Variants in TAOK3 observed in about 807,000 individuals in gnomAD.
The protein encoded by TAOK3 is TAO kinase 3, also known as serine/threonine-protein kinase TAO3.
A neutral mutation model predicts 120.4 loss-of-function variants in TAOK3; 40 were observed. That is an observed-to-expected ratio of 0.33 (90% CI 0.26 to 0.43). TAOK3 has a LOEUF of 0.43. Among genes scored for constraint, TAOK3 ranks in the 20% least tolerant of loss-of-function variants. TAOK3 has a pLI of 1.00. For synonymous variants in TAOK3, 355 were observed against 387.5 expected, an observed-to-expected ratio of 0.92 and a Z score of 0.99; for missense variants, 821 against 1,112.1, an observed-to-expected ratio of 0.74 and a Z score of 3.72.
In TAOK3 at chr12:118,231,257, A is replaced by T. The variant is rs138019577; in HGVS notation, c.643+2417T>A. Reference sequence around the variant, plus strand: ...GGTGTAGGAACTGTGTAGATAGGGCAGGGGTGGAAGAAGATCTTTCACTGT... The same window carrying T: ...GGTGTAGGAACTGTGTAGATAGGGCTGGGGTGGAAGAAGATCTTTCACTGT... On this transcript the variant is annotated intron_variant, in intron 9 of 20. Coordinates refer to ENST00000392533, the MANE Select transcript of TAOK3 (RefSeq NM_016281.4). 2.0e-5 allele frequency among the ~76,000 whole-genome samples: 3 copies of T among 151,698 alleles called. No homozygotes were observed. In the East Asian group the frequency reaches 5.8e-4, roughly 30 times the overall value.
chr12:118,229,125 A>C (rs926589587), intron 9 of TAOK3, among the ~76,000 whole-genome samples: 1 of 148,642 alleles, frequency 6.7e-6, no homozygotes, highest in Non-Finnish European at 1.5e-5. Flanking sequence ...GGGGGGACAG[A>C]GTTTCGATCT....
At chr12:118,296,580 C>A (rs2042689958) in intron 1 of TAOK3, among the ~76,000 whole-genome samples, 2 of 152,178 alleles carry the variant, frequency 1.3e-5, no homozygotes, top group African/African-American at 4.8e-5. Context: ...CAATGTAACA[C>A]CTAGGCTGTC....
chr12:118,196,981 T>A (rs919347088), intron 13 of TAOK3, among the ~76,000 whole-genome samples: 4 of 152,198 alleles, frequency 2.6e-5, no homozygotes, highest in Admixed American at 2.0e-4. Flanking sequence ...GAGTTAAAAA[T>A]CCTATTTATG....
intron 13 of TAOK3, among the ~76,000 whole-genome samples, chr12:118,191,877 G>T (rs1401643148): frequency 6.6e-6 from 1 of 152,186 alleles, no homozygotes; most frequent in African/African-American, 2.4e-5. Context: ...GTAGAGGCCT[G>T]TGATTTTATA....
At chr12:118,205,227 C>T (rs111769853) in intron 11 of TAOK3, among the ~76,000 whole-genome samples, 2,035 of 150,994 alleles carry the variant, frequency 0.013, 15 homozygotes, top group Middle Eastern at 0.024. Flanking sequence ...ATTAGCCAGG[C>T]GTGGTAGTGC....
intron 1 of TAOK3, among the ~76,000 whole-genome samples, chr12:118,322,254 G>T (rs773279777): frequency 6.8e-6 from 1 of 146,128 alleles, no homozygotes; most frequent in South Asian, 2.1e-4. Flanking sequence ...GGCAGAGGTT[G>T]CAATGAGCTG....
rs565883002 is a variant in TAOK3 at position 118,315,094 on chromosome 12, C to T, written c.-193-48335G>A. Among the ~76,000 whole-genome samples, 5 of 152,190 alleles carry T rather than the reference C, an allele frequency of 3.3e-5. No individual in the cohort carries two copies. In the South Asian group the frequency reaches 1.0e-3, roughly 32 times the overall value. ...TACAGGCATGTGCCACCACCCCTGG[C>T]TAACTTTTATACTTTTAGTAGAGAT... is the stretch of plus-strand genomic sequence containing the variant. On this transcript the variant is annotated intron_variant, in intron 1 of 20. Transcript: ENST00000392533.
Position 118,161,379 on chromosome 12 carries a change from A to T in TAOK3, c.2139+409T>A, listed in dbSNP as rs916114356. Among the ~76,000 whole-genome samples the T allele has an allele frequency of 5.3e-5, 8 of 152,046 alleles. No individual in the cohort carries two copies. Among genetic ancestry groups the T allele is most frequent in the Admixed American group, 2.6e-4 (4 of 15,258 alleles). ...ATGACAGACATCACTAATAAATGAC[A>T]CTCTTTCCTCCTAAGCTTGGATGTG... On this transcript the variant is annotated intron_variant, in intron 18 of 20. Transcript: ENST00000392533. The surrounding 1 kb of genome is among the most constrained non-coding windows in gnomAD (Gnocchi z 4.5).
At chr12:118,368,556 A>G (rs1473082608) in intron 1 of TAOK3, among the ~76,000 whole-genome samples, 2 of 147,644 alleles carry the variant, frequency 1.4e-5, no homozygotes, top group African/African-American at 4.9e-5. Flanking sequence ...CTGTAATCCC[A>G]GCACTTAGAG....
rs777480812 is a variant in TAOK3, at chr12:118,189,836, G to T, written c.1300C>A (p.Arg434Ser). The stretch of plus-strand genomic sequence containing the variant: ...GATGCTGATTTGATCGTGGCAAAGC[G>T]CTCTCTGTTCCGGTAGTGGAGGGCC... ...SQALHYRNRE[R>S]FATIKSASLV... Residue 434 changes from arginine to serine, a missense_variant, in exon 14 of 21, where the codon CGC (arginine) becomes AGC (serine). Arg to Ser is a moderately radical substitution (Grantham distance 110). This residue lies in a region of TAOK3 where 354 missense variants were observed against 572.1 expected (regional missense o/e 0.62). Transcript: ENST00000392533. 1 of 1,614,048 alleles carries T rather than the reference G, an allele frequency of 6.2e-7. No homozygotes were observed. Among genetic ancestry groups the T allele is most frequent in the African/African-American group, 1.3e-5 (1 of 74,928 alleles).
intron 17 of TAOK3, among the ~76,000 whole-genome samples, chr12:118,169,082 C>T (rs1191215386): frequency 1.3e-5 from 2 of 151,938 alleles, no homozygotes; most frequent in South Asian, 4.1e-4. Flanking sequence ...GGCGCGATCT[C>T]GGCTCACTGC....
chr12:118,312,452 C>T (rs1297177875), intron 1 of TAOK3, among the ~76,000 whole-genome samples: 1 of 152,078 alleles, frequency 6.6e-6, no homozygotes, highest in Non-Finnish European at 1.5e-5. Context: ...TGTAACTAAC[C>T]ATACCTTGGA....
intron 3 of TAOK3, among the ~76,000 whole-genome samples, chr12:118,247,402 T>C (rs1440554660): frequency 6.6e-6 from 1 of 152,160 alleles, no homozygotes; most frequent in Admixed American, 6.5e-5. Flanking sequence ...AATGTAACAG[T>C]TCATTGAAAG....
chr12:118,188,144 C>T (rs1291498620), intron 14 of TAOK3, among the ~76,000 whole-genome samples: 3 of 152,184 alleles, frequency 2.0e-5, no homozygotes, highest in Non-Finnish European at 4.4e-5. Context: ...ATGTCTGCTT[C>T]ACATGTAAAA....
chr12:118,185,682 A>T (rs188228106), intron 14 of TAOK3, among the ~76,000 whole-genome samples: 1 of 152,226 alleles, frequency 6.6e-6, no homozygotes, highest in Non-Finnish European at 1.5e-5. Flanking sequence ...TTCTGCATTT[A>T]TAAAAGAATA....
intron 1 of TAOK3, among the ~76,000 whole-genome samples, chr12:118,366,604 A>G (rs2045747997): frequency 6.6e-6 from 1 of 152,218 alleles, no homozygotes; most frequent in African/African-American, 2.4e-5. Context: ...GTACTTTGAT[A>G]ACTGACTACA....
intron 2 of TAOK3, among the ~76,000 whole-genome samples, chr12:118,256,970 C>T (rs1294895354): frequency 3.9e-5 from 6 of 152,010 alleles, no homozygotes; most frequent in South Asian, 4.1e-4. Flanking sequence ...GAAATAATAA[C>T]GGTTGGTATT....
intron 1 of TAOK3, among the ~76,000 whole-genome samples, chr12:118,364,643 G>C (rs2036489): frequency 0.28 from 42,324 of 152,084 alleles, 6,969 homozygotes; most frequent in African/African-American, 0.46. Context: ...CACAGTGGCT[G>C]GTGCCTGTAA....
intron 1 of TAOK3, among the ~76,000 whole-genome samples, chr12:118,307,552 A>G (rs552706935): frequency 1.3e-5 from 2 of 152,300 alleles, no homozygotes; most frequent in South Asian, 2.1e-4. Flanking sequence ...TTAGGTCGCA[A>G]TGGGAAAAAT....
Sources: gnomAD v4.1 joint callset for allele counts (sites outside exome capture counted in the v4.1 genomes callset) on GRCh38, gnomAD v4.1.1 for gene constraint, gnomAD v4.1.1 regional missense constraint, Gnocchi (gnomAD v3.1) non-coding constraint, MANE v1.5 for transcripts, NCBI Gene and HGNC (gene_info 2026-07-23, HGNC 2026-07-21) for gene names.